Variants in ANK2 observed in about 807,000 individuals in gnomAD.
ANK2 encodes the protein ankyrin-2.
ANK2 carries 83 observed loss-of-function variants against 360.5 expected under a neutral mutation model. The ratio of observed to expected loss-of-function variants is 0.23; its 90% confidence interval spans 0.19 to 0.28. The LOEUF (loss-of-function observed/expected upper bound fraction) is 0.28. Ranked by LOEUF, ANK2 falls within the 10% of genes least tolerant of loss-of-function variation. ANK2 has a pLI of 1.00. For synonymous variants in ANK2, 1,740 were observed against 1,759.5 expected, an observed-to-expected ratio of 0.99 and a Z score of 0.28; for missense variants, 4,201 against 4,795.7, an observed-to-expected ratio of 0.88 and a Z score of 3.66.
rs974888693 is a variant in ANK2 at position 113,277,953 on chromosome 4, G to A, written c.1782+18G>A. The A allele has an allele frequency of 1.4e-5, 22 of 1,596,380 alleles. No homozygotes were observed. Among genetic ancestry groups the A allele is most frequent in the Non-Finnish European group, 1.7e-5 (20 of 1,164,470 alleles). Reference sequence around the variant, plus strand: ...CAGGGAAGGTAAAGATTTTCTATACGTTATAATTATGTAACAGTGAAGGTG... The same window carrying A: ...CAGGGAAGGTAAAGATTTTCTATACATTATAATTATGTAACAGTGAAGGTG... On this transcript the variant is annotated intron_variant, in intron 16 of 45. Transcript: ENST00000357077.
At chr4:112,909,256 C>T (rs899188231) in intron 2 of ANK2, among the ~76,000 whole-genome samples, 9 of 152,092 alleles carry the variant, frequency 5.9e-5, no homozygotes, top group Non-Finnish European at 1.0e-4. Flanking sequence ...GAATATTCAC[C>T]CTTTGTTCTG....
chr4:113,125,099 G>C (rs1403311195), intron 1 of ANK2, among the ~76,000 whole-genome samples: 1 of 152,040 alleles, frequency 6.6e-6, no homozygotes, highest in African/African-American at 2.4e-5. Flanking sequence ...TTTGCATAGA[G>C]ACTTATTAAT....
chr4:112,716,442 T>G, the ANK2 span, among the ~76,000 whole-genome samples: 1 of 152,220 alleles, frequency 6.6e-6, no homozygotes, highest in East Asian at 1.9e-4. Flanking sequence ...TTAGTGTAAG[T>G]GCTTTCAAAA....
intron 2 of ANK2, among the ~76,000 whole-genome samples, chr4:113,028,917 AG>A (rs1222378378): frequency 6.6e-6 from 1 of 152,138 alleles, no homozygotes; most frequent in Non-Finnish European, 1.5e-5. Flanking sequence ...CTCCTCAGGT[AG>A]GGGATTGAAG....
chr4:113,141,251 T>C (rs2154384758), intron 1 of ANK2: 1 of 152,106 alleles, frequency 6.6e-6, no homozygotes, highest in East Asian at 1.9e-4. Context: ...TAACAAAGAG[T>C]CTGTCATATG....
At chr4:113,348,207 T>C in intron 35 of ANK2, 69 bp from the exon 36 acceptor site, 2 of 1,517,410 alleles carry the variant, frequency 1.3e-6, no homozygotes, top group Admixed American at 3.4e-5. Context: ...CTCTTTCCTT[T>C]TCTTCTAAAT....
At position 113,292,506 on chromosome 4, in the gene ANK2, ACCACTGCGGTAAGGCAGACG is replaced by A. The variant is rs1180614973; in HGVS notation, c.2376_2376+19del. Reference sequence around the variant, plus strand: ...CCAGCATGGGGCCAAGCCCAACGCCACCACTGCGGTAAGGCAGACGCCACTGCCCCTCACCACGCTTTCTT... The same window carrying A: ...CCAGCATGGGGCCAAGCCCAACGCCACCACTGCCCCTCACCACGCTTTCTT... On this transcript the variant is annotated splice_donor_variant and splice_donor_5th_base_variant and coding_sequence_variant and intron_variant, in exon 21 of 46. Coordinates refer to ENST00000357077, the MANE Select transcript of ANK2 (RefSeq NM_001148.6). LOFTEE classifies it high-confidence loss of function. 1 of 1,608,848 alleles carries A rather than the reference ACCACTGCGGTAAGGCAGACG, an allele frequency of 6.2e-7. No individual in the cohort carries two copies. The highest frequency in any genetic ancestry group is 8.5e-7 in the Non-Finnish European group (1 of 1,177,428).
intron 9 of ANK2, among the ~76,000 whole-genome samples, chr4:113,244,107 T>C (rs1459552343): frequency 6.6e-6 from 1 of 152,224 alleles, no homozygotes; most frequent in Non-Finnish European, 1.5e-5. Context: ...AATGGATTCT[T>C]ATACTAGTTC....
intron 1 of ANK2, among the ~76,000 whole-genome samples, chr4:112,869,058 T>C (rs2071794583): frequency 6.6e-6 from 1 of 152,056 alleles, no homozygotes; most frequent in South Asian, 2.1e-4. Context: ...ATTTCTGGGT[T>C]CAAGCAACCC....
chr4:113,301,710 A>G (rs188155619), intron 22 of ANK2, among the ~76,000 whole-genome samples: 2 of 152,234 alleles, frequency 1.3e-5, no homozygotes, highest in East Asian at 1.9e-4. Flanking sequence ...TAGATTCCAC[A>G]TATAAGTGAG....
chr4:113,115,801 G>A (rs889410778), intron 1 of ANK2, among the ~76,000 whole-genome samples: 5 of 152,122 alleles, frequency 3.3e-5, no homozygotes, highest in East Asian at 1.9e-4. Flanking sequence ...TTCTAGGAGA[G>A]CATTTTTAAT....
chr4:113,303,272 T>G (rs1435442717), intron 23 of ANK2, among the ~76,000 whole-genome samples: 1 of 152,222 alleles, frequency 6.6e-6, no homozygotes, highest in Non-Finnish European at 1.5e-5. Context: ...ATCTCTGTAT[T>G]CTGGTTGGTT....
intron 4 of ANK2, among the ~76,000 whole-genome samples, chr4:113,199,559 C>G (rs2098799508): frequency 6.6e-6 from 1 of 151,672 alleles, no homozygotes; most frequent in Non-Finnish European, 1.5e-5. Context: ...GTGAGCTTTA[C>G]TAATAATAAA....
chr4:112,931,433 CTTTTTTTT>C lies in ANK2; in HGVS notation c.21+26935_21+26942del, dbSNP rs59802557. ...TACCTTTCAAAGATTTCTTTCTTTT[CTTTTTTTT>C]TTTTTTTTTTTTTTTGGGACAGAGT... On this transcript the variant is annotated intron_variant, in intron 2 of 30. Coordinates refer to the ANK2 transcript ENST00000503271. Among the ~76,000 whole-genome samples the C allele has an allele frequency of 7.0e-5, 6 of 85,266 alleles. No homozygotes were observed. In the East Asian group the frequency reaches 1.3e-3, roughly 19 times the overall value. 55.9% of individuals were successfully genotyped at this position (85,266 alleles called of 152,430 possible). A position where few individuals can be genotyped will look rare whatever the true frequency, so the allele number is the denominator to read the frequency against.
intron 2 of ANK2, among the ~76,000 whole-genome samples, chr4:112,934,409 T>C (rs1454794058): frequency 6.6e-6 from 1 of 152,208 alleles, no homozygotes; most frequent in African/African-American, 2.4e-5. Flanking sequence ...TTTCTACTTT[T>C]CATTTTATCC....
chr4:112,886,728 G>A (rs757488624), intron 1 of ANK2, among the ~76,000 whole-genome samples: 6 of 151,972 alleles, frequency 3.9e-5, no homozygotes, highest in Admixed American at 6.6e-5. Flanking sequence ...AAATTGATCC[G>A]GATGGAGCCA....
At chr4:113,277,213 G>A (rs575265768) in intron 15 of ANK2, among the ~76,000 whole-genome samples, 25 of 152,178 alleles carry the variant, frequency 1.6e-4, no homozygotes, top group Non-Finnish European at 3.7e-4. Context: ...GAAGTAGAAC[G>A]TATTTTACAA....
chr4:113,050,486 C>G (rs1035604496), intron 1 of ANK2, among the ~76,000 whole-genome samples: 15 of 152,106 alleles, frequency 9.9e-5, no homozygotes, highest in Middle Eastern at 3.2e-3. Flanking sequence ...CATTCCCACA[C>G]CCTCGATTTT....
the ANK2 span, among the ~76,000 whole-genome samples, chr4:112,760,524 C>CT: frequency 1.6e-4 from 24 of 150,216 alleles, no homozygotes; most frequent in Middle Eastern, 3.4e-3. Flanking sequence ...TCATTGTATT[C>CT]TTTTTTTTTC....
Sources: gnomAD v4.1 joint callset for allele counts (sites outside exome capture counted in the v4.1 genomes callset) on GRCh38, gnomAD v4.1.1 for gene constraint, MANE v1.5 for transcripts, NCBI Gene and HGNC (gene_info 2026-07-23, HGNC 2026-07-21) for gene names.